TGFBR3: variants seen among roughly 807,000 people sequenced by gnomAD.
TGFBR3 encodes the protein transforming growth factor beta receptor 3.
In TGFBR3, 46 loss-of-function variants were observed where a neutral mutation model predicts 87.9. The ratio of observed to expected loss-of-function variants is 0.52; its 90% CI spans 0.41 to 0.67. The LOEUF (loss-of-function observed/expected upper bound fraction) is 0.67, where lower values mean the gene tolerates loss of function less well. Ranked by LOEUF, TGFBR3 falls within the 30% of genes least tolerant of loss-of-function variation. The probability of loss-of-function intolerance (pLI) is 0.00; values close to 1 mark genes in which losing one functional copy is unlikely to be tolerated. For missense variants in TGFBR3, 866 were observed against 1,041.9 expected (o/e 0.83, Z 2.32); for synonymous variants, 381 against 391.6 (o/e 0.97, Z 0.32).
chr1:91,873,392 C>T (rs1678663573), intron 1 of TGFBR3, among the ~76,000 whole-genome samples: 1 of 149,602 alleles, frequency 6.7e-6, no homozygotes, highest in African/African-American at 2.5e-5. Flanking sequence ...AAGCAATTCT[C>T]CTGCCTCTGC....
intron 1 of TGFBR3, among the ~76,000 whole-genome samples, chr1:91,876,098 G>A (rs1301971250): frequency 6.6e-6 from 1 of 151,946 alleles, no homozygotes; most frequent in African/African-American, 2.4e-5. Flanking sequence ...GCACCTCATG[G>A]GGGTGTGGTG....
chr1:91,690,792 A>C (rs1014166666), intron 16 of TGFBR3, among the ~76,000 whole-genome samples: 2 of 152,180 alleles, frequency 1.3e-5, no homozygotes, highest in Admixed American at 1.3e-4. Context: ...TGAAGAGCTA[A>C]AGAGGAAAGA....
At chr1:91,843,548 T>G (rs1244102006) in intron 2 of TGFBR3, among the ~76,000 whole-genome samples, 1 of 152,228 alleles carries the variant, frequency 6.6e-6, no homozygotes, top group East Asian at 1.9e-4. Context: ...AGTACTATGG[T>G]AACATTTTCA....
At chr1:91,727,367 T>G (rs1172257404) in intron 7 of TGFBR3, among the ~76,000 whole-genome samples, 2 of 152,176 alleles carry the variant, frequency 1.3e-5, no homozygotes, top group African/African-American at 2.4e-5. Context: ...AGCATACTAA[T>G]GTATTTCAGG....
chr1:91,723,443 T>C (rs1177541448), intron 7 of TGFBR3, among the ~76,000 whole-genome samples: 1 of 136,012 alleles, frequency 7.4e-6, no homozygotes, highest in Non-Finnish European at 1.5e-5. Context: ...GTCATGCCAC[T>C]GCACTCTAGC....
chr1:91,695,394 A>G (rs888437992), intron 16 of TGFBR3: 4 of 422,864 alleles, frequency 9.5e-6, no homozygotes, highest in African/African-American at 2.0e-5. Flanking sequence ...CGTTGTCTGC[A>G]TTAACCTTAA....
At chr1:91,855,129 C>T (rs1015254659) in intron 2 of TGFBR3, among the ~76,000 whole-genome samples, 5 of 152,148 alleles carry the variant, frequency 3.3e-5, no homozygotes, top group East Asian at 1.9e-4. Context: ...AAAAGCATCT[C>T]GATTTTCCTG....
chr1:91,697,787 G>C (rs967772638), intron 15 of TGFBR3, among the ~76,000 whole-genome samples: 2 of 152,160 alleles, frequency 1.3e-5, no homozygotes, highest in Admixed American at 1.3e-4. Context: ...ACATAAGCAT[G>C]CAAGTCATTA....
intron 4 of TGFBR3, among the ~76,000 whole-genome samples, chr1:91,749,463 T>A (rs1459256503): frequency 6.6e-6 from 1 of 152,096 alleles, no homozygotes; most frequent in Non-Finnish European, 1.5e-5. Context: ...CAAAAGCAGA[T>A]CTTGAGAAAA....
At chr1:91,801,094 AAAAAAAG>A in intron 2 of TGFBR3, 4 of 222,930 alleles carry the variant, frequency 1.8e-5, no homozygotes, top group South Asian at 4.6e-5. Flanking sequence ...AAAAAAAAAA[AAAAAAAG>A]AGAGAGAGAG....
chr1:91,770,331 AT>A (rs1674333841), intron 3 of TGFBR3, among the ~76,000 whole-genome samples: 1 of 152,144 alleles, frequency 6.6e-6, no homozygotes, highest in South Asian at 2.1e-4. Context: ...TTAAGAAAAA[AT>A]TACCTAAACT....
chr1:91,870,797 G>C (rs1249907395), intron 1 of TGFBR3, among the ~76,000 whole-genome samples: 1 of 152,132 alleles, frequency 6.6e-6, no homozygotes, highest in Admixed American at 6.5e-5. Context: ...AGGAGTTCAT[G>C]ACCAGCCTGG....
chr1:91,794,019 C>T (rs1675285471), intron 3 of TGFBR3, among the ~76,000 whole-genome samples: 1 of 151,916 alleles, frequency 6.6e-6, no homozygotes, highest in Non-Finnish European at 1.5e-5. Context: ...GTGAATTGAG[C>T]CAACGTAAAC....
At chr1:91,799,553 C>T (rs1675524238) in intron 2 of TGFBR3, among the ~76,000 whole-genome samples, 2 of 152,214 alleles carry the variant, frequency 1.3e-5, no homozygotes, top group Non-Finnish European at 2.9e-5. Context: ...ATTCTGGGGA[C>T]ACACACTGGC....
At chr1:91,748,466 C>A (rs1453619546) in intron 4 of TGFBR3, among the ~76,000 whole-genome samples, 1 of 152,160 alleles carries the variant, frequency 6.6e-6, no homozygotes, top group Admixed American at 6.5e-5. Flanking sequence ...AATCTTTATT[C>A]AAGTGAAATA....
chr1:91,680,997 T>TG lies in TGFBR3; in HGVS notation c.*2741dup. On this transcript the variant is annotated 3_prime_UTR_variant, in exon 17 of 17. Coordinates refer to ENST00000212355, the MANE Select transcript of TGFBR3 (RefSeq NM_003243.5). ...AGCGTATTATACAGACAATCTGCCT[T>TG]GGAGTTTGGGGCATTTTAACAACAG... 2.2e-6 allele frequency: 1 copy of TG among 454,068 alleles called. No homozygotes were observed. Among genetic ancestry groups the TG allele is most frequent in the South Asian group, 1.6e-5 (1 of 64,474 alleles). 28.1% of individuals were successfully genotyped at this position (454,068 alleles called of 1,614,324 possible).
intron 2 of TGFBR3, among the ~76,000 whole-genome samples, chr1:91,855,190 T>C (rs556656727): frequency 5.3e-4 from 81 of 152,306 alleles, no homozygotes; most frequent in African/African-American, 1.8e-3. Flanking sequence ...AAAAGAAATG[T>C]GTTTCTCAAT....
intron 7 of TGFBR3, 65 bp downstream of exon 7, chr1:91,727,593 AT>A: frequency 6.3e-7 from 1 of 1,594,146 alleles, no homozygotes; most frequent in Non-Finnish European, 8.6e-7. Context: ...AATAACACTT[AT>A]AAAGTACAGC....
At chr1:91,751,977 G>A (rs1310430024) in intron 4 of TGFBR3, among the ~76,000 whole-genome samples, 1 of 152,162 alleles carries the variant, frequency 6.6e-6, no homozygotes, top group African/African-American at 2.4e-5. Flanking sequence ...CTTTAGAGAT[G>A]AGCTAGTACG....
Sources: gnomAD v4.1 joint callset for allele counts (sites outside exome capture counted in the v4.1 genomes callset) on GRCh38, gnomAD v4.1.1 for gene constraint, MANE v1.5 for transcripts, NCBI Gene and HGNC (gene_info 2026-07-23, HGNC 2026-07-21) for gene names.